Variants in FBRS observed in about 807,000 individuals in gnomAD.
The protein encoded by FBRS is probable fibrosin-1.
FBRS carries 15 observed loss-of-function variants against 86.1 expected under a neutral mutation model. The observed-to-expected ratio is 0.17, with a 90% CI of 0.12 to 0.27. The LOEUF is 0.27. Among genes scored for constraint, FBRS ranks in the 10% least tolerant of loss-of-function variants. The probability of loss-of-function intolerance (pLI) is 1.00; values close to 1 mark genes in which losing one functional copy is unlikely to be tolerated. For synonymous variants in FBRS, 666 were observed against 575.8 expected (o/e 1.16, Z -2.24); for missense variants, 1,367 against 1,301.6 (o/e 1.05, Z -0.77).
At chr16:30,662,340 C>T in intron 4 of FBRS, 80 bp from the exon 5 acceptor site, 2 of 1,544,818 alleles carry the variant, frequency 1.3e-6, no homozygotes, top group South Asian at 1.2e-5. Context: ...TCCTAGCAGC[C>T]TCCAGAGGCT....
At position 30,659,942 on chromosome 16, in the gene FBRS, G is replaced by A; in HGVS notation, c.424G>A (p.Ala142Thr). Residue 142 changes from alanine to threonine, a missense_variant, in exon 1 of 18, where the codon GCC (alanine) becomes ACC (threonine). Transcript: ENST00000356166. ...GGAGGAGGACTTGATCGATGGCTTC[G>A]CCATCGCCAGCTTCGCCACCCTCGA... ...EEEEDLIDGF[A>T]IASFATLEAL... The A allele has an allele frequency of 1.3e-6, 2 of 1,550,880 alleles. No individual in the cohort carries two copies. The highest frequency in any genetic ancestry group is 2.4e-5 in the East Asian group (1 of 40,866).
chr16:30,666,900 C>G lies in FBRS; in HGVS notation c.1804-19C>G. 6.2e-7 allele frequency: 1 copy of G among 1,609,066 alleles called. No individual in the cohort carries two copies. On this transcript the variant is annotated intron_variant, in intron 12 of 17. Transcript: ENST00000356166. ...TTCTTTCCTTCCCTTTCCCTTTGGT[C>G]ATCCTTCTGGGGCGGCAGAAACCAG...
At position 30,665,713 on chromosome 16, in the gene FBRS, G is replaced by T; in HGVS notation, c.1773+7G>T. ...CTCCCAGAAGGGGACACAGGTGAGGGGGCCAGGGCAGGTCCTGGGGGAGCT... is the reference window on the plus strand; with the variant it reads ...CTCCCAGAAGGGGACACAGGTGAGGTGGCCAGGGCAGGTCCTGGGGGAGCT... On this transcript the variant is annotated splice_region_variant and intron_variant, in intron 11 of 17. Transcript: ENST00000356166. This position sits in a 1 kb window ranked among gnomAD's most constrained non-coding sequence, Gnocchi z 4.1. 3 of 1,574,318 alleles carry T rather than the reference G, an allele frequency of 1.9e-6. No homozygotes were observed. Among genetic ancestry groups the T allele is most frequent in the Non-Finnish European group, 2.6e-6 (3 of 1,159,690 alleles).
rs2052516834 is a variant in FBRS, at chr16:30,665,825, G to A, written c.1773+119G>A. On this transcript the variant is annotated intron_variant, in intron 11 of 17. Coordinates refer to ENST00000356166, the MANE Select transcript of FBRS (RefSeq NM_001105079.3). The surrounding 1 kb of genome is among the most constrained non-coding windows in gnomAD (Gnocchi z 4.1). ...TTGAATTCACAATCGGGTGTTCCTG[G>A]GTGTCTAATAGAGAGGGAATTTCTG... 1.0e-6 allele frequency: 1 copy of A among 987,854 alleles called. No homozygotes were observed. The highest frequency in any genetic ancestry group is 1.5e-6 in the Non-Finnish European group (1 of 661,244). 61.2% of individuals were successfully genotyped at this position (987,854 alleles called of 1,614,324 possible).
intron 5 of FBRS, 21 bp from the exon 6 acceptor site, chr16:30,662,538 G>A (rs1478668864): frequency 6.5e-7 from 1 of 1,549,008 alleles, no homozygotes; most frequent in Admixed American, 2.0e-5. Flanking sequence ...AACTGAGCAT[G>A]TCTGCCATCC....
chr16:30,666,194 T>C, intron 11 of FBRS: 3 of 494,346 alleles, frequency 6.1e-6, no homozygotes, highest in Non-Finnish European at 1.1e-5. Flanking sequence ...TTTCCCTAAA[T>C]AAATCTTAAA....
rs1282822636 is a variant in FBRS at position 30,659,544 on chromosome 16, C to T, written c.26C>T (p.Pro9Leu). 3 of 310,846 alleles carry T rather than the reference C, an allele frequency of 9.7e-6. No homozygotes were observed. Among genetic ancestry groups the T allele is most frequent in the African/African-American group, 4.4e-5 (2 of 45,448 alleles). 19.3% of individuals were successfully genotyped at this position (310,846 alleles called of 1,614,324 possible). A position where few individuals can be genotyped will look rare whatever the true frequency, so the allele number is the denominator to read the frequency against. The change falls in exon 1 of 18, where the codon CCG (proline) becomes CTG (leucine). Residue 9 changes from proline (P) to leucine (L), a missense_variant. Transcript: ENST00000356166. Reference protein sequence around the residue: METAAAAAPGPGWAAEGER... With the variant: METAAAAALGPGWAAEGER... ...ATGGAGACGGCAGCGGCCGCGGCCC[C>T]GGGTCCGGGCTGGGCAGCAGAGGGG...
At position 30,669,031 on chromosome 16, in the gene FBRS, C is replaced by G; in HGVS notation, c.2367-38C>G. 1 of 1,578,658 alleles carries G rather than the reference C, an allele frequency of 6.3e-7. No homozygotes were observed. The highest frequency in any genetic ancestry group is 1.2e-5 in the South Asian group (1 of 86,160). The stretch of plus-strand genomic sequence containing the variant: ...GCCCCACCCTCAGCCCCTGCTGCCC[C>G]TGGAGAACTTCATTCTCTCCCCACG... On this transcript the variant is annotated intron_variant, in intron 17 of 17. Transcript: ENST00000356166. This position sits in a 1 kb window ranked among gnomAD's most constrained non-coding sequence, Gnocchi z 5.9.
At chr16:30,662,273 C>G (rs2052471049) in intron 4 of FBRS, 147 bp from the exon 5 acceptor site, 3 of 1,245,782 alleles carry the variant, frequency 2.4e-6, no homozygotes, top group African/African-American at 1.5e-5. Context: ...CCCCTAGAGC[C>G]CAGTCTTTGA....
Position 30,667,576 on chromosome 16 carries a change from A to G in FBRS, c.2028A>G (p.Ala676=). The G allele has an allele frequency of 6.5e-7, 1 of 1,543,498 alleles. No homozygotes were observed. Among genetic ancestry groups the G allele is most frequent in the Non-Finnish European group, 8.7e-7 (1 of 1,143,102 alleles). Residue 676 remains alanine (A), a synonymous_variant, in exon 15 of 18, where the codon GCA becomes GCG. Coordinates refer to ENST00000356166, the MANE Select transcript of FBRS (RefSeq NM_001105079.3). ...AVHAAANPFT[A]APGAHGPFLS... ...ACGCTGCAGCCAACCCTTTCACGGC[A>G]GCTCCCGGGGCCCACGGACCCTTCC...
Position 30,659,842 on chromosome 16 carries a change from A to AGAGGAGGAGGAGGAG in FBRS, c.332_346dup (p.Glu111_Glu115dup). The AGAGGAGGAGGAGGAG allele has an allele frequency of 6.6e-7, 1 of 1,517,948 alleles. No homozygotes were observed. The highest frequency in any genetic ancestry group is 2.5e-5 in the East Asian group (1 of 40,004). 94.0% of individuals were successfully genotyped at this position (1,517,948 alleles called of 1,614,324 possible). A position where few individuals can be genotyped will look rare whatever the true frequency, so the allele number is the denominator to read the frequency against. ...CCGGCTCGGGCAGCCGCGGGGAGGA[A>AGAGGAGGAGGAGGAG]GAGGAGGAGGAGGAGGAGGAGGGGG... On this transcript the variant is annotated inframe_insertion, in exon 1 of 18. Transcript: ENST00000356166.
At position 30,661,385 on chromosome 16, in the gene FBRS, T is replaced by C. The variant is rs189166770; in HGVS notation, c.705+52T>C. The C allele has an allele frequency of 1.7e-5, 27 of 1,550,648 alleles. No individual in the cohort carries two copies. In the Admixed American group the frequency reaches 4.5e-4, roughly 26 times the overall value. The stretch of plus-strand genomic sequence containing the variant: ...CAGTGTCACTGCTTGTAAAAGGGAC[T>C]GCAGCATAAAGGTCTTCTGCGTGCA... On this transcript the variant is annotated intron_variant, in intron 4 of 17. Transcript: ENST00000356166.
intron 15 of FBRS, 123 bp downstream of exon 15, chr16:30,667,745 G>A: frequency 1.2e-6 from 1 of 845,764 alleles, no homozygotes; most frequent in Non-Finnish European, 1.7e-6. Flanking sequence ...AGTGACCTTG[G>A]GCAGGTTACT....
At position 30,668,810 on chromosome 16, in the gene FBRS, G is replaced by C; in HGVS notation, c.2197G>C (p.Ala733Pro). ...AVFAQKESPGAPPAFASPPDP... is the reference protein window; with the variant it reads ...AVFAQKESPGPPPAFASPPDP... ...CTTTGCCCAGAAAGAAAGCCCAGGG[G>C]CCCCACCAGCCTTCGCCTCCCCACC... Residue 733 changes from alanine (A) to proline (P), a missense_variant, in exon 17 of 18, where the codon GCC becomes CCC. This residue lies in a region of FBRS where 659 missense variants were observed against 678.8 expected (regional missense o/e 0.97). Coordinates refer to ENST00000356166, the MANE Select transcript of FBRS (RefSeq NM_001105079.3). The C allele has an allele frequency of 6.3e-7, 1 of 1,598,834 alleles. No homozygotes were observed.
At chr16:30,660,054 G>C (rs960501558) in intron 1 of FBRS, 77 bp downstream of exon 1, 1 of 1,487,768 alleles carries the variant, frequency 6.7e-7, no homozygotes, top group Non-Finnish European at 9.0e-7. Flanking sequence ...CTAGTGGGTG[G>C]AGTTGAGGGG....
rs1330018396 is a variant in FBRS at position 30,670,440 on chromosome 16, C to G, written c.*795C>G. 2 of 351,792 alleles carry G rather than the reference C, an allele frequency of 5.7e-6. No homozygotes were observed. Among genetic ancestry groups the G allele is most frequent in the Non-Finnish European group, 1.1e-5 (2 of 179,204 alleles). 21.8% of individuals were successfully genotyped at this position (351,792 alleles called of 1,614,324 possible). ...AAAGGCTCAGCCTCTAAATCTCAGACTCCACCACCTCTTAATGGCTCAGTC... is the reference window on the plus strand; with the variant it reads ...AAAGGCTCAGCCTCTAAATCTCAGAGTCCACCACCTCTTAATGGCTCAGTC... On this transcript the variant is annotated 3_prime_UTR_variant, in exon 18 of 18. Coordinates refer to ENST00000356166, the MANE Select transcript of FBRS (RefSeq NM_001105079.3).
intron 2 of FBRS, chr16:30,660,649 A>G (rs1465163460): frequency 2.5e-6 from 2 of 801,648 alleles, no homozygotes; most frequent in Admixed American, 3.9e-5. Context: ...TTCTGTGTCT[A>G]CTTCAAACGT....
intron 11 of FBRS, 187 bp from the exon 12 acceptor site, chr16:30,666,325 T>G (rs1596618071): frequency 1.4e-6 from 1 of 710,080 alleles, no homozygotes; most frequent in East Asian, 2.7e-5. Flanking sequence ...TTCAGAAACC[T>G]TGTGCTGGAG....
chr16:30,667,642 TG>T lies in FBRS; in HGVS notation c.2074+23del. On this transcript the variant is annotated intron_variant, in intron 15 of 17. Coordinates refer to ENST00000356166, the MANE Select transcript of FBRS (RefSeq NM_001105079.3). ...ACATTGGTAAGAGCCAAGGGCGTGT[TG>T]GGCAACCCAGGCTTTGTCCCTGACT... 1 of 1,482,408 alleles carries T rather than the reference TG, an allele frequency of 6.7e-7. No individual in the cohort carries two copies. The highest frequency in any genetic ancestry group is 9.0e-7 in the Non-Finnish European group (1 of 1,115,902). The allele number at this position is 1,482,408 out of a possible 1,614,324, so 91.8% of individuals were successfully genotyped here.
Sources: gnomAD v4.1 joint callset for allele counts on GRCh38, gnomAD v4.1.1 for gene constraint, gnomAD v4.1.1 regional missense constraint, Gnocchi (gnomAD v3.1) non-coding constraint, MANE v1.5 for transcripts, NCBI Gene and HGNC (gene_info 2026-07-23, HGNC 2026-07-21) for gene names.